Variants in ELP1 observed in about 807,000 individuals in gnomAD.
ELP1 encodes elongator complex protein 1.
A neutral mutation model predicts 183.2 loss-of-function variants in ELP1; 131 were observed. The observed-to-expected ratio is 0.72, with a 90% confidence interval of 0.62 to 0.83. The LOEUF (loss-of-function observed/expected upper bound fraction) is 0.83, where lower values mean the gene tolerates loss of function less well. Ranked by LOEUF, ELP1 falls within the 40% of genes least tolerant of loss-of-function variation. ELP1 has a pLI of 0.00. For synonymous variants in ELP1, 555 were observed against 569.0 expected (o/e 0.98, Z 0.35); for missense variants, 1,550 against 1,594.9 (o/e 0.97, Z 0.48).
At chr9:108,911,215 G>A in intron 11 of ELP1, 35 bp from the exon 12 acceptor site, 1 of 1,600,558 alleles carries the variant, frequency 6.2e-7, no homozygotes, top group Non-Finnish European at 8.6e-7. Flanking sequence ...ATTAGACCTA[G>A]GGATATTCAA....
At chr9:108,913,737 T>A (rs1164417783) in intron 10 of ELP1, among the ~76,000 whole-genome samples, 2 of 152,158 alleles carry the variant, frequency 1.3e-5, no homozygotes, top group African/African-American at 4.8e-5. Context: ...AACCTCTGCC[T>A]CCCAGTTCAA....
intron 5 of ELP1, 121 bp downstream of exon 5, chr9:108,926,402 A>G (rs1182151872): frequency 2.5e-6 from 2 of 792,668 alleles, no homozygotes; most frequent in Non-Finnish European, 4.3e-6. Flanking sequence ...TAGACATTTA[A>G]TAGCTGGGGG....
intron 36 of ELP1, among the ~76,000 whole-genome samples, chr9:108,873,137 A>G (rs41278349): frequency 0.013 from 1,924 of 152,348 alleles, 9 homozygotes; most frequent in Non-Finnish European, 0.021. Context: ...TTATTTTGTC[A>G]TCAATTGCAA....
intron 36 of ELP1, among the ~76,000 whole-genome samples, chr9:108,872,559 C>A (rs1378158389): frequency 6.6e-5 from 10 of 151,966 alleles, no homozygotes; most frequent in African/African-American, 2.4e-4. Flanking sequence ...AATCCCAGCA[C>A]TTTGGGAGGC....
At chr9:108,928,741 T>C (rs1587925829) in intron 3 of ELP1, among the ~76,000 whole-genome samples, 2 of 152,100 alleles carry the variant, frequency 1.3e-5, no homozygotes, top group East Asian at 3.9e-4. Context: ...CAGGAAACAA[T>C]GCTACAAAAT....
chr9:108,890,732 AC>A (rs781045878), intron 28 of ELP1, among the ~76,000 whole-genome samples: 5 of 152,302 alleles, frequency 3.3e-5, no homozygotes, highest in Middle Eastern at 6.8e-3. Context: ...AACAGAATGG[AC>A]CCATCCAAAA....
At chr9:108,885,541 C>G (rs1028511850) in intron 29 of ELP1, among the ~76,000 whole-genome samples, 1 of 152,148 alleles carries the variant, frequency 6.6e-6, no homozygotes, top group Non-Finnish European at 1.5e-5. Context: ...AAAGAAAACT[C>G]CTGGCCGAGA....
chr9:108,868,906 T>C lies in ELP1; in HGVS notation c.*209A>G, dbSNP rs1392618171. 3.2e-6 allele frequency: 2 copies of C among 627,410 alleles called. No individual in the cohort carries two copies. The highest frequency in any genetic ancestry group is 4.2e-4 in the Middle Eastern group (1 of 2,378). 38.9% of individuals were successfully genotyped at this position (627,410 alleles called of 1,614,324 possible). On this transcript the variant is annotated 3_prime_UTR_variant, in exon 37 of 37. Coordinates refer to ENST00000374647, the MANE Select transcript of ELP1 (RefSeq NM_003640.5). ...AAATGGTGCCATAATGGTTAAAGCT[T>C]AATGTCTTGCTAATGATCAAGATGT...
intron 12 of ELP1, among the ~76,000 whole-genome samples, chr9:108,909,380 G>A (rs1478334983): frequency 6.6e-6 from 1 of 152,128 alleles, no homozygotes; most frequent in Non-Finnish European, 1.5e-5. Context: ...AAGAAGCAAT[G>A]AGGGGGAAAA....
Position 108,900,824 on chromosome 9 carries a change from CCACACACACA to C in ELP1, c.2015-459_2015-450del. Among the ~76,000 whole-genome samples the C allele has an allele frequency of 2.9e-5, 3 of 104,318 alleles. 1 individual carries two copies. The South Asian group carries it at 1.1e-3, about 39-fold the overall frequency. 68.4% of individuals were successfully genotyped at this position (104,318 alleles called of 152,430 possible). A position where few individuals can be genotyped will look rare whatever the true frequency, so the allele number is the denominator to read the frequency against. On this transcript the variant is annotated intron_variant, in intron 18 of 36. Transcript: ENST00000374647. ...CATACACGCCACACACACATACACG[CCACACACACA>C]TACACGCCACACACACATACACGCC... is the stretch of plus-strand genomic sequence containing the variant.
chr9:108,879,679 T>C, intron 32 of ELP1, 122 bp from the exon 33 acceptor site: 1 of 732,874 alleles, frequency 1.4e-6, no homozygotes, highest in South Asian at 1.5e-5. Context: ...ATGAAAATGA[T>C]TGCAAAGTTG....
intron 31 of ELP1, among the ~76,000 whole-genome samples, chr9:108,881,323 T>A (rs1412915919): frequency 1.3e-5 from 2 of 152,210 alleles, no homozygotes; most frequent in African/African-American, 2.4e-5. Context: ...GATCCTTCAT[T>A]CCTAAATATT....
rs192075751 is a variant in ELP1 at position 108,886,968 on chromosome 9, G to T, written c.3222+2364C>A. 4.3e-3 allele frequency among the ~76,000 whole-genome samples: 628 copies of T among 147,204 alleles called. 8 individuals carry two copies. Among genetic ancestry groups the T allele is most frequent in the African/African-American group, 0.015 (599 of 39,696 alleles). ...TCATGCCTGTAATCCCAGCACTTTGGGAGGCTGAGACAGGCGAATTGCTTG... is the reference window on the plus strand; with the variant it reads ...TCATGCCTGTAATCCCAGCACTTTGTGAGGCTGAGACAGGCGAATTGCTTG... On this transcript the variant is annotated intron_variant, in intron 29 of 36. Transcript: ENST00000374647.
Position 108,917,633 on chromosome 9 carries a change from G to A in ELP1, c.778C>T (p.Pro260Ser), listed in dbSNP as rs371587578. 1 of 1,614,004 alleles carries A rather than the reference G, an allele frequency of 6.2e-7. No homozygotes were observed. Among genetic ancestry groups the A allele is most frequent in the Non-Finnish European group, 8.5e-7 (1 of 1,179,884 alleles). Reference sequence around the variant, plus strand: ...AAAAACACAATATCCTGCTGGTTGGGTTTATCTTGTGTAGATGCAATCAAA... The same window carrying A: ...AAAAACACAATATCCTGCTGGTTGGATTTATCTTGTGTAGATGCAATCAAA... ...GSLIASTQDKPNQQDIVFFEK... is the reference protein window; with the variant it reads ...GSLIASTQDKSNQQDIVFFEK... Residue 260 changes from proline to serine, a missense_variant, in exon 9 of 37, where the codon CCC becomes TCC. Pro to Ser is a moderately conservative substitution (Grantham distance 74). Transcript: ENST00000374647.
Position 108,908,318 on chromosome 9 carries a change from C to G in ELP1, c.1447G>C (p.Glu483Gln). The change falls in exon 13 of 37, where the codon GAA becomes CAA. Residue 483 changes from glutamate to glutamine, a missense_variant. Glu to Gln is a conservative substitution (Grantham distance 29). Coordinates refer to ENST00000374647, the MANE Select transcript of ELP1 (RefSeq NM_003640.5). ...FKVCLRTPHLEKRYKIQFENN... is the reference protein window; with the variant it reads ...FKVCLRTPHLQKRYKIQFENN... ...TTAAGAACCTACTTGTATCTCTTTT[C>G]CAAATGAGGAGTTCTAAGGCAAACT... 6.2e-7 allele frequency: 1 copy of G among 1,613,258 alleles called. No homozygotes were observed. The highest frequency in any genetic ancestry group is 8.5e-7 in the Non-Finnish European group (1 of 1,179,144).
At chr9:108,924,026 C>T (rs980551610) in intron 5 of ELP1, among the ~76,000 whole-genome samples, 9 of 152,282 alleles carry the variant, frequency 5.9e-5, no homozygotes, top group East Asian at 1.9e-4. Flanking sequence ...ATTGCTGCTG[C>T]GTACAAATGG....
chr9:108,872,525 C>A (rs1410349279), intron 36 of ELP1, among the ~76,000 whole-genome samples: 2 of 151,986 alleles, frequency 1.3e-5, no homozygotes, highest in Non-Finnish European at 2.9e-5. Flanking sequence ...TAGTTACAGG[C>A]CGGGCGCGGT....
chr9:108,875,197 G>A (rs752814792), intron 35 of ELP1, among the ~76,000 whole-genome samples: 6 of 152,184 alleles, frequency 3.9e-5, no homozygotes, highest in Non-Finnish European at 7.4e-5. Flanking sequence ...GATGGGGGGT[G>A]GAGGAAAAGA....
At chr9:108,906,741 T>C (rs1045038261) in intron 13 of ELP1, among the ~76,000 whole-genome samples, 8 of 152,170 alleles carry the variant, frequency 5.3e-5, no homozygotes, top group Admixed American at 3.3e-4. Flanking sequence ...TTGAGGAAAC[T>C]GACTACACAA....
Sources: gnomAD v4.1 joint callset for allele counts (sites outside exome capture counted in the v4.1 genomes callset) on GRCh38, gnomAD v4.1.1 for gene constraint, MANE v1.5 for transcripts, NCBI Gene and HGNC (gene_info 2026-07-23, HGNC 2026-07-21) for gene names.